The following SDCBP2 variants were observed in gnomAD, a reference collection of about 807,000 sequenced individuals.
The protein encoded by SDCBP2 is syndecan binding protein 2.
SDCBP2 carries 28 observed loss-of-function variants against 30.7 expected under a neutral mutation model. That is an observed-to-expected ratio of 0.91 (90% CI 0.68 to 1.25). SDCBP2 has a LOEUF of 1.25. Ranked by LOEUF, SDCBP2 falls within the 50% of genes most tolerant of loss-of-function variation. The pLI, the probability that SDCBP2 is intolerant of heterozygous loss-of-function variation, is 0.00. For missense variants in SDCBP2, 399 were observed against 379.0 expected (o/e 1.05, Z -0.44); for synonymous variants, 166 against 157.3 (o/e 1.06, Z -0.41).
rs141940205 is a variant in SDCBP2 at position 1,313,457 on chromosome 20, C to T, written c.267G>A (p.Pro89=). The stretch of plus-strand genomic sequence containing the variant: ...GCACGCCCAGGCTGTACCCGGTTAC[C>T]GGTGCCACCATCTGGCCGGGCCCGG... ...SGPGPGQMVA[P]VTGYSLGVRR... Residue 89 remains proline, a synonymous_variant, in exon 5 of 9, where the codon CCG becomes CCA. Coordinates refer to ENST00000360779, the MANE Select transcript of SDCBP2 (RefSeq NM_080489.5). The surrounding 1 kb of genome is among the most constrained non-coding windows in gnomAD (Gnocchi z 5.2). 1.9e-6 allele frequency: 3 copies of T among 1,600,178 alleles called. No individual in the cohort carries two copies. In the African/African-American group the frequency reaches 4.0e-5, roughly 21 times the overall value.
Position 1,313,088 on chromosome 20 carries a change from G to T in SDCBP2, c.384+252C>A. 2 of 594,478 alleles carry T rather than the reference G, an allele frequency of 3.4e-6. No homozygotes were observed. Among genetic ancestry groups the T allele is most frequent in the Non-Finnish European group, 6.0e-6 (2 of 336,070 alleles). The allele number at this position is 594,478 out of a possible 1,614,324, so 36.8% of individuals were successfully genotyped here. A position where few individuals can be genotyped will look rare whatever the true frequency, so the allele number is the denominator to read the frequency against. On this transcript the variant is annotated intron_variant, in intron 5 of 8. Coordinates refer to ENST00000360779, the MANE Select transcript of SDCBP2 (RefSeq NM_080489.5). This position sits in a 1 kb window ranked among gnomAD's most constrained non-coding sequence, Gnocchi z 5.2. ...GAAGCTAGATGCCCTGGGCAGCGAA[G>T]GGCAGGTGGGGAAGGGAGGCTCCTC...
Position 1,321,966 on chromosome 20 carries a change from G to T in SDCBP2, c.-19-1531C>A, listed in dbSNP as rs2088855629. ...CCCAGTCCACCATCCTCTATTGGCT[G>T]TTACACCCAGACCATTGTACTCACT... On this transcript the variant is annotated intron_variant, in intron 1 of 8. Transcript: ENST00000360779. This position sits in a 1 kb window ranked among gnomAD's most constrained non-coding sequence, Gnocchi z 5.2. 6.6e-6 allele frequency: 1 copy of T among 152,288 alleles called. No individual in the cohort carries two copies. The highest frequency in any genetic ancestry group is 1.9e-4 in the East Asian group (1 of 5,174). The allele number at this position is 152,288 out of a possible 1,614,324, so 9.4% of individuals were successfully genotyped here.
chr20:1,311,318 C>A (rs2122499090), intron 7 of SDCBP2, among the ~76,000 whole-genome samples: 1 of 152,314 alleles, frequency 6.6e-6, no homozygotes, highest in Middle Eastern at 3.4e-3. Flanking sequence ...TAGGCGTACC[C>A]ATCCACCCTC....
intron 8 of SDCBP2, 110 bp downstream of exon 8, chr20:1,310,690 G>A: frequency 2.8e-6 from 3 of 1,088,160 alleles, no homozygotes; most frequent in South Asian, 1.4e-5. Context: ...TGTGCCCTGT[G>A]TCAGCACTGA....
At chr20:1,315,015 A>G (rs996559618) in intron 4 of SDCBP2, among the ~76,000 whole-genome samples, 1 of 152,246 alleles carries the variant, frequency 6.6e-6, no homozygotes, top group Admixed American at 6.5e-5. Context: ...TCTAAACTTT[A>G]TATGAAAAGA....
Position 1,329,070 on chromosome 20 carries a change from G to T in SDCBP2, c.-20+15C>A, listed in dbSNP as rs77523578. ...CAATCCCAGCCAGGATTGGGTCAGG[G>T]CCCCCAGCGCTTACCTGCAGGCAAG... On this transcript the variant is annotated intron_variant, in intron 1 of 8. Transcript: ENST00000360779. This position sits in a 1 kb window ranked among gnomAD's most constrained non-coding sequence, Gnocchi z 4.3. 3,148 of 152,438 alleles carry T rather than the reference G, an allele frequency of 0.021. 52 individuals carry two copies. Among genetic ancestry groups the T allele is most frequent in the Non-Finnish European group, 0.032 (2,182 of 68,114 alleles). The allele number at this position is 152,438 out of a possible 1,614,324, so 9.4% of individuals were successfully genotyped here. A position where few individuals can be genotyped will look rare whatever the true frequency, so the allele number is the denominator to read the frequency against.
At chr20:1,312,861 A>G in intron 5 of SDCBP2, 99 bp from the exon 6 acceptor site, 12 of 1,323,958 alleles carry the variant, frequency 9.1e-6, no homozygotes, top group Non-Finnish European at 1.2e-5. Context: ...CCAGGAACCT[A>G]CAGGGTGCCA....
intron 7 of SDCBP2, 146 bp downstream of exon 7, chr20:1,312,191 C>G (rs890252738): frequency 1.0e-5 from 8 of 791,388 alleles, no homozygotes; most frequent in Non-Finnish European, 1.2e-5. Context: ...AGTCACCGCA[C>G]CCAGCCCTAC....
rs949771630 is a variant in SDCBP2 at position 1,313,178 on chromosome 20, C to T, written c.384+162G>A. 1.2e-5 allele frequency: 9 copies of T among 763,132 alleles called. No individual in the cohort carries two copies. Among genetic ancestry groups the T allele is most frequent in the African/African-American group, 1.7e-5 (1 of 57,798 alleles). 47.3% of individuals were successfully genotyped at this position (763,132 alleles called of 1,614,324 possible). On this transcript the variant is annotated intron_variant, in intron 5 of 8. Coordinates refer to ENST00000360779, the MANE Select transcript of SDCBP2 (RefSeq NM_080489.5). The surrounding 1 kb of genome is among the most constrained non-coding windows in gnomAD (Gnocchi z 5.2). Reference sequence around the variant, plus strand: ...TGCGCAACCCAGCACCAGCCCCGCCCGGGTCTCGGGGAGGAGGGACTGGGG... The same window carrying T: ...TGCGCAACCCAGCACCAGCCCCGCCTGGGTCTCGGGGAGGAGGGACTGGGG...
rs1419009771 is a variant in SDCBP2, at chr20:1,313,509, C to A, written c.226-11G>T. 6.4e-7 allele frequency: 1 copy of A among 1,570,970 alleles called. No individual in the cohort carries two copies. On this transcript the variant is annotated splice_polypyrimidine_tract_variant and intron_variant, in intron 4 of 8. Coordinates refer to ENST00000360779, the MANE Select transcript of SDCBP2 (RefSeq NM_080489.5). This position sits in a 1 kb window ranked among gnomAD's most constrained non-coding sequence, Gnocchi z 5.2. Reference sequence around the variant, plus strand: ...GCCCGAGACCGCTGTCTGCAGACACCAGGGGGCAGGGGGTCAGCCCGGCCC... The same window carrying A: ...GCCCGAGACCGCTGTCTGCAGACACAAGGGGGCAGGGGGTCAGCCCGGCCC...
At position 1,320,267 on chromosome 20, in the gene SDCBP2, C is replaced by A; in HGVS notation, c.54+96G>T. 8.8e-7 allele frequency: 1 copy of A among 1,133,510 alleles called. No homozygotes were observed. 70.2% of individuals were successfully genotyped at this position (1,133,510 alleles called of 1,614,324 possible). A position where few individuals can be genotyped will look rare whatever the true frequency, so the allele number is the denominator to read the frequency against. On this transcript the variant is annotated intron_variant, in intron 2 of 8. Transcript: ENST00000360779. The surrounding 1 kb of genome is among the most constrained non-coding windows in gnomAD (Gnocchi z 4.7). ...GGACACCTACATGCCCTGAGGCCTA[C>A]GGGAATCTCCAAGTGGCCCCAGTAC...
At chr20:1,317,795 G>GC in intron 4 of SDCBP2, 1 of 247,240 alleles carries the variant, frequency 4.0e-6, no homozygotes, top group Non-Finnish European at 8.0e-6. Context: ...CAGGTGGGAC[G>GC]CAGGGATGCT....
chr20:1,318,552 G>A (rs2088811123), intron 3 of SDCBP2, 134 bp from the exon 4 acceptor site: 2 of 597,542 alleles, frequency 3.3e-6, no homozygotes, highest in Non-Finnish European at 5.8e-6. Context: ...CCAAGACTGT[G>A]GGGTATCCCC....
chr20:1,321,093 G>T lies in SDCBP2; in HGVS notation c.-19-658C>A. ...CTGGCTCCCAGGCAATACGGTCACT[G>T]CCCCTCCCACCCAGGACCCTGCCCT... On this transcript the variant is annotated intron_variant, in intron 1 of 8. Coordinates refer to ENST00000360779, the MANE Select transcript of SDCBP2 (RefSeq NM_080489.5). This position sits in a 1 kb window ranked among gnomAD's most constrained non-coding sequence, Gnocchi z 5.2. The T allele has an allele frequency of 6.6e-6, 1 of 152,494 alleles. No homozygotes were observed. The highest frequency in any genetic ancestry group is 1.5e-5 in the Non-Finnish European group (1 of 68,344). The allele number at this position is 152,494 out of a possible 1,614,324, so 9.4% of individuals were successfully genotyped here. A position where few individuals can be genotyped will look rare whatever the true frequency, so the allele number is the denominator to read the frequency against.
Position 1,313,650 on chromosome 20 carries a change from G to T in SDCBP2, c.226-152C>A. The T allele has an allele frequency of 2.2e-6, 3 of 1,382,524 alleles. No homozygotes were observed. The highest frequency in any genetic ancestry group is 2.8e-6 in the Non-Finnish European group (3 of 1,070,714). 85.6% of individuals were successfully genotyped at this position (1,382,524 alleles called of 1,614,324 possible). A position where few individuals can be genotyped will look rare whatever the true frequency, so the allele number is the denominator to read the frequency against. On this transcript the variant is annotated intron_variant, in intron 4 of 8. Coordinates refer to ENST00000360779, the MANE Select transcript of SDCBP2 (RefSeq NM_080489.5). This position sits in a 1 kb window ranked among gnomAD's most constrained non-coding sequence, Gnocchi z 5.2. ...GTCCACGCTTCTCCCCTAGGGGCGA[G>T]AGGAGACGTGGCTCCACGCGGCCAC... is the stretch of plus-strand genomic sequence containing the variant.
At position 1,324,907 on chromosome 20, in the gene SDCBP2, T is replaced by C. The variant is rs2088897750; in HGVS notation, c.-20+4178A>G. Among the ~76,000 whole-genome samples the C allele has an allele frequency of 6.6e-6, 1 of 152,232 alleles. No individual in the cohort carries two copies. On this transcript the variant is annotated intron_variant, in intron 1 of 8. Coordinates refer to ENST00000360779, the MANE Select transcript of SDCBP2 (RefSeq NM_080489.5). The surrounding 1 kb of genome is among the most constrained non-coding windows in gnomAD (Gnocchi z 4.7). ...TAAGTTGGGTACAAGCGTGATCGGG[T>C]GTAAGCCAGCCTCAGCTTTTACAAA...
At chr20:1,311,489 A>G (rs752269172) in intron 7 of SDCBP2, among the ~76,000 whole-genome samples, 1 of 152,196 alleles carries the variant, frequency 6.6e-6, no homozygotes, top group Non-Finnish European at 1.5e-5. Context: ...TGGTCCAAAC[A>G]CTAACGTTAT....
At position 1,324,778 on chromosome 20, in the gene SDCBP2, G is replaced by A. The variant is rs2088896262; in HGVS notation, c.-20+4307C>T. Among the ~76,000 whole-genome samples the A allele has an allele frequency of 6.6e-6, 1 of 152,094 alleles. No individual in the cohort carries two copies. The stretch of plus-strand genomic sequence containing the variant: ...CATGTGTAGCTGTCACAGTGACTCC[G>A]CGCTTTTATATAAATATATTTAGCC... On this transcript the variant is annotated intron_variant, in intron 1 of 8. Coordinates refer to ENST00000360779, the MANE Select transcript of SDCBP2 (RefSeq NM_080489.5). This position sits in a 1 kb window ranked among gnomAD's most constrained non-coding sequence, Gnocchi z 4.7.
chr20:1,327,616 C>G (rs1307436278), intron 1 of SDCBP2, among the ~76,000 whole-genome samples: 1 of 152,262 alleles, frequency 6.6e-6, no homozygotes, highest in African/African-American at 2.4e-5. Flanking sequence ...GGGCAGGGTT[C>G]AGACTGACTG....
Sources: gnomAD v4.1 joint callset for allele counts (sites outside exome capture counted in the v4.1 genomes callset) on GRCh38, gnomAD v4.1.1 for gene constraint, Gnocchi (gnomAD v3.1) non-coding constraint, MANE v1.5 for transcripts, NCBI Gene and HGNC (gene_info 2026-07-23, HGNC 2026-07-21) for gene names.